PPIP5K2: variants seen among roughly 807,000 people sequenced by gnomAD.
PPIP5K2 encodes diphosphoinositol pentakisphosphate kinase 2, also known as inositol hexakisphosphate and diphosphoinositol-pentakisphosphate kinase 2.
A neutral mutation model predicts 154.6 loss-of-function variants in PPIP5K2; 105 were observed. The ratio of observed to expected loss-of-function variants is 0.68; its 90% confidence interval spans 0.58 to 0.80. The LOEUF (loss-of-function observed/expected upper bound fraction) is 0.80. Among genes scored for constraint, PPIP5K2 ranks in the 30% least tolerant of loss-of-function variants. The pLI is 0.00. For missense variants in PPIP5K2, 992 were observed against 1,504.6 expected (o/e 0.66, Z 5.64); for synonymous variants, 480 against 490.3 (o/e 0.98, Z 0.28).
chr5:103,168,529 A>G (rs555961020), intron 19 of PPIP5K2, among the ~76,000 whole-genome samples: 1 of 151,970 alleles, frequency 6.6e-6, no homozygotes, highest in South Asian at 2.1e-4. Flanking sequence ...TATATTTATT[A>G]GAGCAGTTTT....
chr5:103,133,440 A>T lies in PPIP5K2; in HGVS notation c.115-13A>T, dbSNP rs1554203234. ...TAAAGTTAACCCGATTTTTTGTTTC[A>T]TTTTTGTTTTAGCCACCAGAAAGGC... On this transcript the variant is annotated splice_polypyrimidine_tract_variant and intron_variant, in intron 2 of 30. Coordinates refer to ENST00000358359, the MANE Select transcript of PPIP5K2 (RefSeq NM_001276277.3). 18 of 1,592,772 alleles carry T rather than the reference A, an allele frequency of 1.1e-5. No individual in the cohort carries two copies. Among genetic ancestry groups the T allele is most frequent in the Middle Eastern group, 2.3e-4 (1 of 4,370 alleles).
intron 7 of PPIP5K2, 41 bp from the exon 8 acceptor site, chr5:103,149,107 CACAT>C (rs1794194719): frequency 8.5e-6 from 12 of 1,418,638 alleles, no homozygotes; most frequent in African/African-American, 1.5e-5. Context: ...CACACACACA[CACAT>C]ACATATATAT....
chr5:103,141,766 G>C (rs1240345714), intron 5 of PPIP5K2, among the ~76,000 whole-genome samples: 2 of 150,908 alleles, frequency 1.3e-5, no homozygotes, highest in South Asian at 2.1e-4. Flanking sequence ...GCTAGATACA[G>C]AGTGCCGATT....
intron 4 of PPIP5K2, among the ~76,000 whole-genome samples, chr5:103,137,213 A>G (rs868968932): frequency 7.8e-4 from 113 of 145,268 alleles, no homozygotes; most frequent in African/African-American, 2.7e-3. Flanking sequence ...CCCAGTCTGG[A>G]GTGCAGTGGC....
rs551889158 is a variant in PPIP5K2 at position 103,174,112 on chromosome 5, A to G, written c.2529+140A>G. Reference sequence around the variant, plus strand: ...ATGTCGTCTTTCAAGGGACTACTATATACCAAGCATTTTGCTAGATTTTAG... The same window carrying G: ...ATGTCGTCTTTCAAGGGACTACTATGTACCAAGCATTTTGCTAGATTTTAG... On this transcript the variant is annotated intron_variant, in intron 21 of 30. Transcript: ENST00000358359. The G allele has an allele frequency of 1.9e-5, 11 of 586,306 alleles. No individual in the cohort carries two copies. The South Asian group carries it at 2.1e-4, about 11-fold the overall frequency. 36.3% of individuals were successfully genotyped at this position (586,306 alleles called of 1,614,324 possible). A position where few individuals can be genotyped will look rare whatever the true frequency, so the allele number is the denominator to read the frequency against.
chr5:103,192,483 T>C (rs1801388837), intron 29 of PPIP5K2, among the ~76,000 whole-genome samples: 2 of 152,024 alleles, frequency 1.3e-5, no homozygotes, highest in Admixed American at 6.6e-5. Context: ...AATCTTAAAA[T>C]AGAGATTAAA....
intron 8 of PPIP5K2, among the ~76,000 whole-genome samples, chr5:103,150,775 C>A (rs1199975806): frequency 1.3e-5 from 2 of 150,662 alleles, no homozygotes; most frequent in African/African-American, 4.9e-5. Context: ...CCTCTCAAAA[C>A]CAAACAAAAC....
At chr5:103,183,525 T>A (rs1250891997) in intron 25 of PPIP5K2, 118 bp downstream of exon 25, 14 of 860,294 alleles carry the variant, frequency 1.6e-5, no homozygotes, top group Non-Finnish European at 1.8e-6. Context: ...TTCTGTTTTT[T>A]AATTTTGAGT....
chr5:103,138,085 A>C (rs1791871777), intron 4 of PPIP5K2, among the ~76,000 whole-genome samples: 1 of 152,184 alleles, frequency 6.6e-6, no homozygotes, highest in African/African-American at 2.4e-5. Context: ...CATTGTGATA[A>C]TATCAACTTT....
In PPIP5K2 at chr5:103,146,556, G is replaced by A; in HGVS notation, c.517G>A (p.Val173Ile). ...TAATCTGATTGAAGGGGAAGATCAT[G>A]TAGAAGTAAATGGGGAAGTTTTTCA... is the stretch of plus-strand genomic sequence containing the variant. The part of the protein sequence containing the change: ...ECNLIEGEDH[V>I]EVNGEVFQKP... The change falls in exon 6 of 31, where the codon GTA becomes ATA. Residue 173 changes from valine (V) to isoleucine (I), a missense_variant. Coordinates refer to ENST00000358359, the MANE Select transcript of PPIP5K2 (RefSeq NM_001276277.3). 6.2e-7 allele frequency: 1 copy of A among 1,611,500 alleles called. No individual in the cohort carries two copies. Among genetic ancestry groups the A allele is most frequent in the Non-Finnish European group, 8.5e-7 (1 of 1,178,932 alleles).
At chr5:103,147,849 T>C in intron 6 of PPIP5K2, 82 bp from the exon 7 acceptor site, 1 of 815,538 alleles carries the variant, frequency 1.2e-6, no homozygotes, top group Non-Finnish European at 2.0e-6. Flanking sequence ...AAATAGATGG[T>C]AAATAAACTA....
At chr5:103,124,381 A>G (rs541060015) in intron 1 of PPIP5K2, among the ~76,000 whole-genome samples, 1 of 152,006 alleles carries the variant, frequency 6.6e-6, no homozygotes, top group South Asian at 2.1e-4. Context: ...CTGAGAATTT[A>G]TATTTGCCAT....
chr5:103,183,246 CT>C lies in PPIP5K2; in HGVS notation c.2936del (p.Leu979ArgfsTer63), dbSNP rs1215453979. On this transcript the variant is annotated frameshift_variant, in exon 25 of 31. Coordinates refer to ENST00000358359, the MANE Select transcript of PPIP5K2 (RefSeq NM_001276277.3). LOFTEE classifies it high-confidence loss of function. The part of the protein sequence containing the change: ...KTATNDEESP[L>X]SVSSPEGTGT... ...TTCTCACTTCCAGGAAGAGAGCCCCCTGAGTGTGTCTAGCCCAGAGGGTACT... is the reference window on the plus strand; with the variant it reads ...TTCTCACTTCCAGGAAGAGAGCCCCCGAGTGTGTCTAGCCCAGAGGGTACT... The C allele has an allele frequency of 9.0e-7, 1 of 1,117,012 alleles. No homozygotes were observed. The highest frequency in any genetic ancestry group is 3.9e-5 in the Admixed American group (1 of 25,468). 69.2% of individuals were successfully genotyped at this position (1,117,012 alleles called of 1,614,324 possible).
chr5:103,161,980 G>T (rs1389595200), intron 17 of PPIP5K2, among the ~76,000 whole-genome samples: 3 of 152,024 alleles, frequency 2.0e-5, no homozygotes, highest in Non-Finnish European at 2.9e-5. Flanking sequence ...TGTCAATTTT[G>T]GCTTTTGTTG....
chr5:103,160,327 T>C (rs782529759), intron 17 of PPIP5K2, among the ~76,000 whole-genome samples: 2 of 152,180 alleles, frequency 1.3e-5, no homozygotes, highest in Non-Finnish European at 2.9e-5. Context: ...TCTTCAGTTT[T>C]TTGAGCAATG....
rs1231323160 is a variant in PPIP5K2 at position 103,152,641 on chromosome 5, C to G, written c.1029-7C>G. The G allele has an allele frequency of 2.6e-6, 4 of 1,542,560 alleles. No homozygotes were observed. Among genetic ancestry groups the G allele is most frequent in the Non-Finnish European group, 3.6e-6 (4 of 1,119,118 alleles). On this transcript the variant is annotated splice_region_variant and splice_polypyrimidine_tract_variant and intron_variant, in intron 9 of 30. Coordinates refer to ENST00000358359, the MANE Select transcript of PPIP5K2 (RefSeq NM_001276277.3). ...TAATTTTAAATCTTTTCTTTTTTGT[C>G]TTGAAGAAATATTGTAATGCGAGAA... is the stretch of plus-strand genomic sequence containing the variant.
In PPIP5K2 at chr5:103,205,009, C is replaced by T. The variant is rs1250646933; in HGVS notation, c.*3375C>T. Reference sequence around the variant, plus strand: ...TCCTAATGCTATCCCTCCCCCAGCCCCCCACCCACTGACAGGCCCAGTGTG... The same window carrying T: ...TCCTAATGCTATCCCTCCCCCAGCCTCCCACCCACTGACAGGCCCAGTGTG... On this transcript the variant is annotated 3_prime_UTR_variant, in exon 31 of 31. Transcript: ENST00000358359. The T allele has an allele frequency of 6.6e-6, 1 of 152,074 alleles. No homozygotes were observed. The highest frequency in any genetic ancestry group is 1.5e-5 in the Non-Finnish European group (1 of 68,046). The allele number at this position is 152,074 out of a possible 1,614,324, so 9.4% of individuals were successfully genotyped here. A position where few individuals can be genotyped will look rare whatever the true frequency, so the allele number is the denominator to read the frequency against.
intron 30 of PPIP5K2, among the ~76,000 whole-genome samples, chr5:103,198,477 A>T (rs1802468264): frequency 6.6e-6 from 1 of 152,092 alleles, no homozygotes; most frequent in Admixed American, 6.6e-5. Context: ...GAAGGGATTG[A>T]TTGTGCTATC....
Position 103,167,201 on chromosome 5 carries a change from C to A in PPIP5K2, c.1943C>A (p.Ser648Tyr). 6.3e-7 allele frequency: 1 copy of A among 1,576,558 alleles called. No homozygotes were observed. Among genetic ancestry groups the A allele is most frequent in the Non-Finnish European group, 8.6e-7 (1 of 1,160,252 alleles). ...YEKLTPSGSI[S>Y]LIKSMHLIKN... ...TAGCTTACTCCATCTGGAAGCATTT[C>A]TCTTATCAAATCAATGCATTTAATT... Residue 648 changes from serine (S) to tyrosine (Y), a missense_variant, in exon 18 of 31, where the codon TCT becomes TAT. Around this residue, in one of 9 missense-constraint regions of PPIP5K2, gnomAD observed 82 missense variants for 91.8 expected, o/e 0.89. Transcript: ENST00000358359.
Sources: gnomAD v4.1 joint callset for allele counts (sites outside exome capture counted in the v4.1 genomes callset) on GRCh38, gnomAD v4.1.1 for gene constraint, gnomAD v4.1.1 regional missense constraint, MANE v1.5 for transcripts, NCBI Gene and HGNC (gene_info 2026-07-23, HGNC 2026-07-21) for gene names.